Variants in TMEM132D observed in about 807,000 individuals in gnomAD.
TMEM132D encodes the protein mature OL transmembrane protein.
Under a neutral mutation model 62.3 loss-of-function variants are expected in TMEM132D, and 21 were observed. That is an observed-to-expected ratio of 0.34 (90% confidence interval 0.24 to 0.49). The LOEUF is 0.49. Ranked by LOEUF, TMEM132D falls within the 20% of genes least tolerant of loss-of-function variation. TMEM132D has a pLI of 0.99. For synonymous variants in TMEM132D, 621 were observed against 575.6 expected (o/e 1.08, Z -1.13); for missense variants, 1,346 against 1,402.8 (o/e 0.96, Z 0.65).
At chr12:129,723,340 T>C (rs1274830744) in intron 1 of TMEM132D, among the ~76,000 whole-genome samples, 1 of 152,190 alleles carries the variant, frequency 6.6e-6, no homozygotes, top group Non-Finnish European at 1.5e-5. Context: ...AGTGACCATG[T>C]TGGTAGCTCT....
At chr12:129,821,030 C>T (rs901316609) in intron 1 of TMEM132D, among the ~76,000 whole-genome samples, 6 of 152,242 alleles carry the variant, frequency 3.9e-5, no homozygotes, top group African/African-American at 1.4e-4. Flanking sequence ...TCTTCTCCCT[C>T]CTCCTTTCTC....
At chr12:129,848,556 C>G (rs759157469) in intron 1 of TMEM132D, among the ~76,000 whole-genome samples, 3 of 152,142 alleles carry the variant, frequency 2.0e-5, no homozygotes, top group Non-Finnish European at 4.4e-5. Flanking sequence ...GTCTACATGA[C>G]TCTTAGCAAG....
At chr12:129,519,995 G>C (rs1875803567) in intron 3 of TMEM132D, among the ~76,000 whole-genome samples, 1 of 152,090 alleles carries the variant, frequency 6.6e-6, no homozygotes, top group South Asian at 2.1e-4. Context: ...ACTTATAAAG[G>C]GCTCTAGGAA....
chr12:129,549,426 C>G (rs1038378575), intron 2 of TMEM132D, among the ~76,000 whole-genome samples: 4 of 151,558 alleles, frequency 2.6e-5, no homozygotes, highest in Non-Finnish European at 5.9e-5. Context: ...TGGTTTCCCC[C>G]CTCCTGTTCT....
At chr12:129,244,679 T>G (rs1400537475) in intron 4 of TMEM132D, among the ~76,000 whole-genome samples, 1 of 152,094 alleles carries the variant, frequency 6.6e-6, no homozygotes. Context: ...CTTGCTCTAT[T>G]GTCCAGGCTG....
At chr12:129,666,586 A>T (rs745415526) in intron 2 of TMEM132D, among the ~76,000 whole-genome samples, 2 of 152,180 alleles carry the variant, frequency 1.3e-5, no homozygotes, top group Admixed American at 1.3e-4. Flanking sequence ...AAAACTGTCA[A>T]TTTACCTACT....
intron 5 of TMEM132D, among the ~76,000 whole-genome samples, chr12:129,193,274 C>T (rs1239983902): frequency 6.6e-6 from 1 of 151,970 alleles, no homozygotes; most frequent in African/African-American, 2.4e-5. Flanking sequence ...TGACATATGG[C>T]ATATAACTCA....
chr12:129,448,809 G>A (rs969414061), intron 3 of TMEM132D, among the ~76,000 whole-genome samples: 2 of 152,186 alleles, frequency 1.3e-5, no homozygotes, highest in Non-Finnish European at 2.9e-5. Flanking sequence ...CTCATCTGAT[G>A]CTCCAAGCCT....
In TMEM132D at chr12:129,073,962, A is replaced by G. The variant is rs780452178; in HGVS notation, c.3213T>C (p.Asp1071=). 1.2e-6 allele frequency: 2 copies of G among 1,612,462 alleles called. No homozygotes were observed. The highest frequency in any genetic ancestry group is 2.2e-5 in the South Asian group (2 of 90,760). The change falls in exon 9 of 9, where the codon GAT becomes GAC. Residue 1071 remains aspartate, a synonymous_variant. Transcript: ENST00000422113. ...TRNSIVMSSE[D]DIKWVCQDLD... is the part of the protein sequence containing the mutation. ...GATCCTGGCAGACCCACTTAATGTCATCCTCGCTACTCATCACGATGGAGT... is the reference window on the plus strand; with the variant it reads ...GATCCTGGCAGACCCACTTAATGTCGTCCTCGCTACTCATCACGATGGAGT...
chr12:129,442,119 C>T (rs1372061420), intron 3 of TMEM132D, among the ~76,000 whole-genome samples: 1 of 152,174 alleles, frequency 6.6e-6, no homozygotes, highest in East Asian at 1.9e-4. Flanking sequence ...TACACATGTA[C>T]CCCCGGAATC....
intron 3 of TMEM132D, among the ~76,000 whole-genome samples, chr12:129,488,040 C>T (rs986661097): frequency 1.3e-5 from 2 of 151,768 alleles, no homozygotes; most frequent in Non-Finnish European, 2.9e-5. Flanking sequence ...TTTTCCATCC[C>T]GTATGCCTTG....
At chr12:129,531,022 G>A (rs753032219) in intron 3 of TMEM132D, 37 bp downstream of exon 3, 16 of 1,501,174 alleles carry the variant, frequency 1.1e-5, no homozygotes, top group Non-Finnish European at 1.4e-5. Context: ...CACATTTGCA[G>A]CTGATCTGAA....
chr12:129,768,419 A>G (rs1211218813), intron 1 of TMEM132D, among the ~76,000 whole-genome samples: 1 of 151,756 alleles, frequency 6.6e-6, no homozygotes, highest in Non-Finnish European at 1.5e-5. Flanking sequence ...CAGTTATCTC[A>G]TTGTGGTGAG....
At chr12:129,087,363 C>G (rs1204362796) in intron 5 of TMEM132D, among the ~76,000 whole-genome samples, 1 of 151,624 alleles carries the variant, frequency 6.6e-6, no homozygotes, top group African/African-American at 2.4e-5. Context: ...TTTTCTTTAT[C>G]CATTCATCCA....
chr12:129,731,957 C>T (rs1045323508), intron 1 of TMEM132D, among the ~76,000 whole-genome samples: 21 of 152,240 alleles, frequency 1.4e-4, no homozygotes, highest in African/African-American at 4.3e-4. Flanking sequence ...CCACCGTGCC[C>T]GGCCAGAAAT....
intron 5 of TMEM132D, among the ~76,000 whole-genome samples, chr12:129,102,487 C>T (rs1313357706): frequency 2.0e-5 from 3 of 150,358 alleles, no homozygotes; most frequent in South Asian, 4.2e-4. Context: ...ACACAATGCA[C>T]ACACACACAC....
intron 2 of TMEM132D, among the ~76,000 whole-genome samples, chr12:129,653,767 C>T (rs568322082): frequency 3.5e-4 from 53 of 152,332 alleles, no homozygotes; most frequent in Middle Eastern, 3.4e-3. Flanking sequence ...TTCCCACACA[C>T]GCCACACAGC....
chr12:129,699,795 T>C lies in TMEM132D; in HGVS notation c.968+15A>G. On this transcript the variant is annotated intron_variant, in intron 2 of 8. Coordinates refer to ENST00000422113, the MANE Select transcript of TMEM132D (RefSeq NM_133448.3). ...TCGACGGGCGGGTACAGACAGACAT[T>C]GGGAAACGACTTACCTCAACGTGAA... is the stretch of plus-strand genomic sequence containing the variant. The C allele has an allele frequency of 6.2e-7, 1 of 1,611,816 alleles. No individual in the cohort carries two copies. Among genetic ancestry groups the C allele is most frequent in the Non-Finnish European group, 8.5e-7 (1 of 1,178,424 alleles).
intron 5 of TMEM132D, among the ~76,000 whole-genome samples, chr12:129,152,406 C>T (rs1877101232): frequency 6.6e-6 from 1 of 152,182 alleles, no homozygotes; most frequent in South Asian, 2.1e-4. Context: ...GGAGGGAAGA[C>T]AGGAGCAGCT....
Sources: allele counts gnomAD v4.1 joint callset (sites outside exome capture counted in the v4.1 genomes callset), GRCh38; gene constraint gnomAD v4.1.1; transcripts MANE v1.5; gene names NCBI Gene and HGNC (gene_info 2026-07-23, HGNC 2026-07-21).